Variants in ZNF713 observed in about 807,000 individuals in gnomAD.
ZNF713 encodes the protein zinc finger protein 713.
Under a neutral mutation model 28.7 loss-of-function variants are expected in ZNF713, and 21 were observed. The observed-to-expected ratio is 0.73, with a 90% CI of 0.52 to 1.05. The LOEUF (loss-of-function observed/expected upper bound fraction) is 1.05. Ranked by LOEUF, ZNF713 falls within the 50% of genes least tolerant of loss-of-function variation. The pLI is 0.00. For synonymous variants in ZNF713, 167 were observed against 178.0 expected, an observed-to-expected ratio of 0.94 and a Z score of 0.49; for missense variants, 458 against 532.4, an observed-to-expected ratio of 0.86 and a Z score of 1.37.
At chr7:55,900,669 G>C (rs963121330) in intron 1 of ZNF713, among the ~76,000 whole-genome samples, 1 of 152,140 alleles carries the variant, frequency 6.6e-6, no homozygotes, top group African/African-American at 2.4e-5. Flanking sequence ...AGAGTAGAAT[G>C]GTTGTTACTA....
chr7:55,917,769 A>C (rs992562205), intron 4 of ZNF713, among the ~76,000 whole-genome samples: 1 of 152,182 alleles, frequency 6.6e-6, no homozygotes, highest in Non-Finnish European at 1.5e-5. Flanking sequence ...AATGGATCTT[A>C]AACACAGGAA....
intron 6 of ZNF713, among the ~76,000 whole-genome samples, chr7:55,932,019 A>G (rs1786220062): frequency 6.6e-6 from 1 of 152,200 alleles, no homozygotes; most frequent in Non-Finnish European, 1.5e-5. Context: ...GTGCAACAGA[A>G]GCCTTTTGGC....
chr7:55,919,698 A>G (rs1050503205), intron 4 of ZNF713, among the ~76,000 whole-genome samples: 5 of 151,550 alleles, frequency 3.3e-5, no homozygotes, highest in South Asian at 2.1e-4. Flanking sequence ...TACACTTTTT[A>G]TTGAAGTAAA....
chr7:55,912,983 G>A (rs1785812708), intron 4 of ZNF713, among the ~76,000 whole-genome samples: 1 of 152,072 alleles, frequency 6.6e-6, no homozygotes, highest in Non-Finnish European at 1.5e-5. Context: ...CAAAACAATG[G>A]ACTGTCTTTT....
At chr7:55,897,568 C>T (rs1785497083) in intron 1 of ZNF713, among the ~76,000 whole-genome samples, 1 of 152,092 alleles carries the variant, frequency 6.6e-6, no homozygotes, top group Admixed American at 6.6e-5. Context: ...AGCATACAAG[C>T]ATGAGCCACT....
At chr7:55,893,125 T>C (rs568728649) in intron 1 of ZNF713, among the ~76,000 whole-genome samples, 31 of 152,014 alleles carry the variant, frequency 2.0e-4, no homozygotes, top group Non-Finnish European at 4.1e-4. Context: ...CTTCATGATC[T>C]GCCCGCCTCA....
intron 6 of ZNF713, chr7:55,924,741 G>A (rs1350844582): frequency 6.6e-6 from 1 of 152,200 alleles, no homozygotes; most frequent in Non-Finnish European, 1.5e-5. Flanking sequence ...CAGGCATGCT[G>A]GCACTCGCCT....
rs111506980 is a variant in ZNF713, at chr7:55,899,435, G to A, written c.-582-6818G>A. Among the ~76,000 whole-genome samples, 28 of 4,464 alleles carry A rather than the reference G, an allele frequency of 6.3e-3. 1 individual carries two copies. The South Asian group carries it at 0.083, about 13-fold the overall frequency. The allele number at this position is 4,464 out of a possible 152,430, so 2.9% of individuals were successfully genotyped here. A position where few individuals can be genotyped will look rare whatever the true frequency, so the allele number is the denominator to read the frequency against. On this transcript the variant is annotated intron_variant, in intron 1 of 6. Transcript: ENST00000429591. ...ATCCCAGCACTTTGGGAGGCCGAGG[G>A]GGGGGGGGGGGTTGATCACAAGGTC... is the stretch of plus-strand genomic sequence containing the variant.
At chr7:55,919,490 G>GTTTTTTTTGTTTTTTT (rs1785945405) in intron 4 of ZNF713, among the ~76,000 whole-genome samples, 16 of 66,770 alleles carry the variant, frequency 2.4e-4, no homozygotes, top group African/African-American at 6.9e-4. Context: ...AAACACTCCA[G>GTTTTTTTTGTTTTTTT]TTTTTTTTTT....
chr7:55,928,860 C>T (rs1173005315), intron 6 of ZNF713, among the ~76,000 whole-genome samples: 1 of 151,630 alleles, frequency 6.6e-6, no homozygotes, highest in African/African-American at 2.4e-5. Flanking sequence ...GGCCGGGTGC[C>T]AGGGCTCACA....
chr7:55,892,573 A>AC (rs1785404465), intron 1 of ZNF713, among the ~76,000 whole-genome samples: 1 of 150,124 alleles, frequency 6.7e-6, no homozygotes, highest in Non-Finnish European at 1.5e-5. Context: ...AAAAAAAAAA[A>AC]AAAAACAAAG....
Position 55,942,224 on chromosome 7 carries a change from A to G in ZNF713, c.*2218A>G, listed in dbSNP as rs1361160867. 6.6e-6 allele frequency: 1 copy of G among 152,080 alleles called. No homozygotes were observed. The highest frequency in any genetic ancestry group is 1.9e-4 in the East Asian group (1 of 5,192). The allele number at this position is 152,080 out of a possible 1,614,324, so 9.4% of individuals were successfully genotyped here. A position where few individuals can be genotyped will look rare whatever the true frequency, so the allele number is the denominator to read the frequency against. ...ATATAAACACCTGACGAAGTAGTCT[A>G]ATTGGCTTAATCATTTATTTTATTT... On this transcript the variant is annotated 3_prime_UTR_variant, in exon 7 of 7. Transcript: ENST00000429591.
At chr7:55,930,583 G>A (rs750866364) in intron 6 of ZNF713, among the ~76,000 whole-genome samples, 5 of 152,124 alleles carry the variant, frequency 3.3e-5, no homozygotes, top group Non-Finnish European at 7.3e-5. Flanking sequence ...GCAACATGAA[G>A]AAACCCATAG....
intron 1 of ZNF713, among the ~76,000 whole-genome samples, chr7:55,889,397 G>C (rs1284584562): frequency 6.6e-6 from 1 of 152,094 alleles, no homozygotes. Context: ...CACTGCGCCC[G>C]GCCTGATCTA....
At chr7:55,927,915 A>AAAAAAAAAAAAAAAAAAAG (rs1562746758) in intron 6 of ZNF713, among the ~76,000 whole-genome samples, 1 of 148,020 alleles carries the variant, frequency 6.8e-6, no homozygotes, top group Non-Finnish European at 1.5e-5. Flanking sequence ...AAAAAAAAAA[A>AAAAAAAAAAAAAAAAAAAG]AAAAAGCCAC....
chr7:55,887,722 CGGGG>C lies in ZNF713; in HGVS notation c.-583+45_-583+48del, dbSNP rs1242789956. 7.5e-4 allele frequency: 14 copies of C among 18,568 alleles called. 6 individuals carry two copies. The highest frequency in any genetic ancestry group is 2.5e-3 in the African/African-American group (13 of 5,138). The allele number at this position is 18,568 out of a possible 1,614,324, so 1.2% of individuals were successfully genotyped here. ...AGGAGGCGGAGGCGGGAGGCGGAGG[CGGGG>C]GGCGGAGGCGGGGGGCGGAGGCGGG... On this transcript the variant is annotated intron_variant, in intron 1 of 6. Transcript: ENST00000429591.
At chr7:55,935,891 C>G (rs1422608843) in intron 6 of ZNF713, among the ~76,000 whole-genome samples, 1 of 151,666 alleles carries the variant, frequency 6.6e-6, no homozygotes, top group African/African-American at 2.4e-5. Flanking sequence ...GGAGGCAGCG[C>G]TTGCAATGAG....
chr7:55,918,284 A>C, intron 4 of ZNF713: 1 of 252,780 alleles, frequency 4.0e-6, no homozygotes, highest in Non-Finnish European at 8.3e-6. Flanking sequence ...AGCCAGTACC[A>C]ATTTGCCAGC....
At chr7:55,923,740 A>G (rs752928687) in intron 6 of ZNF713, 41 bp downstream of exon 6, 14 of 1,529,278 alleles carry the variant, frequency 9.2e-6, no homozygotes, top group Non-Finnish European at 1.3e-5. Flanking sequence ...AATGAGGGAA[A>G]ACAGCCACTT....
Sources: gnomAD v4.1 joint callset for allele counts (sites outside exome capture counted in the v4.1 genomes callset) on GRCh38, gnomAD v4.1.1 for gene constraint, MANE v1.5 for transcripts, NCBI Gene and HGNC (gene_info 2026-07-23, HGNC 2026-07-21) for gene names.